DLGAP2: variants seen among roughly 807,000 people sequenced by gnomAD.
The protein encoded by DLGAP2 is DLG associated protein 2.
Under a neutral mutation model 100.3 loss-of-function variants are expected in DLGAP2, and 26 were observed. The observed-to-expected ratio is 0.26, with a 90% CI of 0.19 to 0.36. The LOEUF (loss-of-function observed/expected upper bound fraction) is 0.36, where lower values mean the gene tolerates loss of function less well. Ranked by LOEUF, DLGAP2 falls within the 10% of genes least tolerant of loss-of-function variation. DLGAP2 has a pLI of 1.00. For synonymous variants in DLGAP2, 886 were observed against 630.1 expected, an observed-to-expected ratio of 1.41 and a Z score of -6.08; for missense variants, 1,858 against 1,453.2, an observed-to-expected ratio of 1.28 and a Z score of -4.53.
chr8:1,190,781 C>T (rs1269544751), intron 2 of DLGAP2, among the ~76,000 whole-genome samples: 2 of 152,006 alleles, frequency 1.3e-5, no homozygotes, highest in Non-Finnish European at 2.9e-5. Flanking sequence ...GCCCAGGTTC[C>T]AGGTGCACGC....
intron 2 of DLGAP2, among the ~76,000 whole-genome samples, chr8:1,066,729 CCTGT>C (rs1362964695): frequency 6.6e-6 from 1 of 152,262 alleles, no homozygotes; most frequent in Non-Finnish European, 1.5e-5. Context: ...CCACGACTGG[CCTGT>C]CTTTGTCCTT....
At chr8:1,153,278 C>T (rs552854639) in intron 2 of DLGAP2, among the ~76,000 whole-genome samples, 245 of 152,136 alleles carry the variant, frequency 1.6e-3, no homozygotes, top group African/African-American at 5.7e-3. Context: ...TCATTTTCTT[C>T]GGAAGGAAAA....
intron 2 of DLGAP2, among the ~76,000 whole-genome samples, chr8:1,027,320 G>A (rs7846564): frequency 0.066 from 10,098 of 152,204 alleles, 704 homozygotes; most frequent in African/African-American, 0.16. Context: ...CTCCAGATGG[G>A]GTGCCAGGCA....
rs1799940647 is a variant in DLGAP2, at chr8:1,287,155, T to TGTGTGTGC, written c.106+28275_106+28276insTGTGCGTG. ...GCGTGTGTGTGTGTGTGTGTGTGTG[T>TGTGTGTGC]GTGCGCGCGCGCGCGTGGTTCTGTT... On this transcript the variant is annotated intron_variant, in intron 3 of 14. Coordinates refer to ENST00000637795, the MANE Select transcript of DLGAP2 (RefSeq NM_001346810.2). Among the ~76,000 whole-genome samples the TGTGTGTGC allele has an allele frequency of 6.1e-5, 6 of 98,582 alleles. 1 individual carries two copies. The South Asian group carries it at 2.4e-3, about 39-fold the overall frequency. The allele number at this position is 98,582 out of a possible 152,430, so 64.7% of individuals were successfully genotyped here.
intron 2 of DLGAP2, among the ~76,000 whole-genome samples, chr8:965,154 C>A (rs1799820558): frequency 6.7e-6 from 1 of 149,016 alleles, no homozygotes; most frequent in East Asian, 2.0e-4. Context: ...CCTCACAGGG[C>A]TCCTGAGTCT....
intron 1 of DLGAP2, among the ~76,000 whole-genome samples, chr8:797,773 G>A (rs923385369): frequency 4.6e-5 from 7 of 151,932 alleles, no homozygotes; most frequent in Non-Finnish European, 1.0e-4. Flanking sequence ...TTTTTGAGAT[G>A]GAGTTTCACT....
chr8:1,193,698 C>G (rs912382054), intron 2 of DLGAP2, among the ~76,000 whole-genome samples: 1 of 152,108 alleles, frequency 6.6e-6, no homozygotes, highest in Non-Finnish European at 1.5e-5. Flanking sequence ...TCTCGCGTGG[C>G]TGGCCCTCTC....
rs75688342 is a variant in DLGAP2 at position 1,263,727 on chromosome 8, A to T, written c.106+4844A>T. On this transcript the variant is annotated intron_variant, in intron 3 of 14. Coordinates refer to ENST00000637795, the MANE Select transcript of DLGAP2 (RefSeq NM_001346810.2). ...ATAGGATTGCTTCTTGAAATTGCAT[A>T]TTGAAGAGCTTAGAAATAACCCCAG... Among the ~76,000 whole-genome samples the T allele has an allele frequency of 9.2e-3, 1,406 of 152,204 alleles. 25 individuals are homozygous for T. The highest frequency in any genetic ancestry group is 0.072 in the East Asian group (372 of 5,164).
chr8:1,125,104 T>C (rs966666869), intron 2 of DLGAP2, among the ~76,000 whole-genome samples: 1 of 152,258 alleles, frequency 6.6e-6, no homozygotes, highest in African/African-American at 2.4e-5. Context: ...CTGCCTTCTC[T>C]GGCAGACTCG....
chr8:1,468,038 G>A (rs915619041), intron 3 of DLGAP2, among the ~76,000 whole-genome samples: 1 of 152,222 alleles, frequency 6.6e-6, no homozygotes, highest in African/African-American at 2.4e-5. Context: ...GCAAAGTGGG[G>A]GCGCTGTGGC....
intron 2 of DLGAP2, among the ~76,000 whole-genome samples, chr8:1,033,827 C>T (rs1423915711): frequency 2.1e-5 from 3 of 141,344 alleles, no homozygotes; most frequent in Non-Finnish European, 4.6e-5. Context: ...TGGATTCACA[C>T]GCTCATCCCG....
At chr8:1,115,979 C>T (rs1805102685) in intron 2 of DLGAP2, among the ~76,000 whole-genome samples, 1 of 152,162 alleles carries the variant, frequency 6.6e-6, no homozygotes, top group Non-Finnish European at 1.5e-5. Flanking sequence ...CATCAGTGCC[C>T]AGGAAACGAT....
At chr8:1,245,041 A>G (rs776900583) in intron 2 of DLGAP2, among the ~76,000 whole-genome samples, 2 of 152,228 alleles carry the variant, frequency 1.3e-5, no homozygotes, top group Non-Finnish European at 2.9e-5. Context: ...AAATACAATG[A>G]GACACCATTG....
intron 2 of DLGAP2, among the ~76,000 whole-genome samples, chr8:1,196,885 G>A (rs1408876133): frequency 6.6e-6 from 1 of 152,082 alleles, no homozygotes; most frequent in East Asian, 1.9e-4. Context: ...AGGCAAGAGG[G>A]GATTTATTAT....
At chr8:902,367 G>C (rs1196121296) in intron 1 of DLGAP2, among the ~76,000 whole-genome samples, 12 of 150,306 alleles carry the variant, frequency 8.0e-5, no homozygotes. Context: ...GGGCTGGGGG[G>C]GCACTCCAAG....
chr8:1,287,422 C>CGT (rs1165608144), intron 3 of DLGAP2, among the ~76,000 whole-genome samples: 16 of 84,480 alleles, frequency 1.9e-4, no homozygotes, highest in Admixed American at 1.1e-3. Context: ...TTTGGTTCAG[C>CGT]GTGTGTGTGT....
At chr8:1,170,875 C>G (rs1019733613) in intron 2 of DLGAP2, among the ~76,000 whole-genome samples, 3 of 146,448 alleles carry the variant, frequency 2.0e-5, no homozygotes, top group South Asian at 2.3e-4. Flanking sequence ...TTTTGTGTCT[C>G]TATTTCCTTC....
At chr8:1,414,236 A>T (rs1411873631) in intron 3 of DLGAP2, among the ~76,000 whole-genome samples, 2 of 152,208 alleles carry the variant, frequency 1.3e-5, no homozygotes, top group African/African-American at 2.4e-5. Context: ...CTGGAATGGC[A>T]GGGGTGTTCT....
intron 4 of DLGAP2, among the ~76,000 whole-genome samples, chr8:1,538,918 T>C (rs1322132913): frequency 1.3e-5 from 2 of 148,778 alleles, no homozygotes; most frequent in Non-Finnish European, 1.5e-5. Context: ...GACAGAGTCT[T>C]GCTTTTGCCT....
Sources: gnomAD v4.1 joint callset for allele counts (sites outside exome capture counted in the v4.1 genomes callset) on GRCh38, gnomAD v4.1.1 for gene constraint, MANE v1.5 for transcripts, NCBI Gene and HGNC (gene_info 2026-07-23, HGNC 2026-07-21) for gene names.